The following KIF20B variants were observed in gnomAD, a reference collection of about 807,000 sequenced individuals.
KIF20B encodes the protein kinesin family member 20B.
Under a neutral mutation model 232.5 loss-of-function variants are expected in KIF20B, and 188 were observed. The observed-to-expected ratio is 0.81, with a 90% CI of 0.72 to 0.91. KIF20B has a LOEUF of 0.91. Among genes scored for constraint, KIF20B ranks in the 40% least tolerant of loss-of-function variants. The pLI is 0.00. For synonymous variants in KIF20B, 712 were observed against 683.0 expected (o/e 1.04, Z -0.66); for missense variants, 2,154 against 2,055.9 (o/e 1.05, Z -0.92).
At chr10:89,737,007 T>C (rs1310581035) in intron 19 of KIF20B, among the ~76,000 whole-genome samples, 1 of 152,124 alleles carries the variant, frequency 6.6e-6, no homozygotes, top group Non-Finnish European at 1.5e-5. Flanking sequence ...ATGGAATGTC[T>C]GCCTAGGGTT....
intron 29 of KIF20B, chr10:89,766,142 T>G (rs1842354124): frequency 6.6e-6 from 1 of 152,180 alleles, no homozygotes; most frequent in South Asian, 2.1e-4. Flanking sequence ...GGTACACCAA[T>G]CAGACATAGA....
intron 17 of KIF20B, among the ~76,000 whole-genome samples, chr10:89,728,905 T>TTG (rs71022581): frequency 0.069 from 9,529 of 137,986 alleles, 358 homozygotes; most frequent in Middle Eastern, 0.088. Flanking sequence ...TCTTTTTTCT[T>TTG]TGTGTGTGTG....
chr10:89,757,044 A>G (rs61870783), intron 26 of KIF20B, among the ~76,000 whole-genome samples: 34,003 of 108,612 alleles, frequency 0.31, 4,567 homozygotes, highest in African/African-American at 0.45. Flanking sequence ...GTGTGTGTAT[A>G]TATATATATA....
intron 19 of KIF20B, 117 bp downstream of exon 19, chr10:89,733,173 A>G (rs1261890788): frequency 2.0e-6 from 2 of 1,009,196 alleles, no homozygotes; most frequent in Non-Finnish European, 3.0e-6. Context: ...GAGAAAATCT[A>G]AACGTCTTGA....
intron 2 of KIF20B, 37 bp downstream of exon 2, chr10:89,705,478 C>T: frequency 6.3e-7 from 1 of 1,593,400 alleles, no homozygotes; most frequent in African/African-American, 1.3e-5. Context: ...ATTATCATGC[C>T]TCCTTCTAAT....
At chr10:89,708,491 A>C (rs1176287590) in intron 2 of KIF20B, among the ~76,000 whole-genome samples, 1 of 152,150 alleles carries the variant, frequency 6.6e-6, no homozygotes, top group Non-Finnish European at 1.5e-5. Context: ...GATTACAGGC[A>C]TGAGCCACCG....
chr10:89,712,413 T>G (rs889086190), intron 6 of KIF20B, among the ~76,000 whole-genome samples: 6 of 151,940 alleles, frequency 3.9e-5, no homozygotes, highest in African/African-American at 1.5e-4. Context: ...ATGCCACCAC[T>G]CCTGGCTGTT....
chr10:89,744,003 T>G (rs1841860295), intron 22 of KIF20B, 76 bp downstream of exon 22: 4 of 1,270,932 alleles, frequency 3.1e-6, no homozygotes. Flanking sequence ...GGTACAAATT[T>G]GTTTTTAATA....
rs754382351 is a variant in KIF20B at position 89,739,068 on chromosome 10, A to G, written c.3887A>G (p.Lys1296Arg). 30 of 1,613,090 alleles carry G rather than the reference A, an allele frequency of 1.9e-5. No homozygotes were observed. In the South Asian group the frequency reaches 2.9e-4, roughly 15 times the overall value. The change falls in exon 21 of 33, where the codon AAA becomes AGA. Residue 1296 changes from lysine to arginine, a missense_variant. Physicochemically the swap from Lys to Arg is conservative, Grantham distance 26. Coordinates refer to ENST00000371728, the MANE Select transcript of KIF20B (RefSeq NM_001284259.2). ...ADLKEKLTDA[K>R]KQIKQVQKEV... The stretch of plus-strand genomic sequence containing the variant: ...CTGAAAGAGAAACTGACTGATGCCA[A>G]AAAGCAGATTAAGCAAGTACAGAAA...
intron 9 of KIF20B, among the ~76,000 whole-genome samples, chr10:89,717,043 A>T (rs1014742285): frequency 6.6e-6 from 1 of 152,212 alleles, no homozygotes; most frequent in Non-Finnish European, 1.5e-5. Flanking sequence ...GGACAATACA[A>T]GATCCGGATC....
At chr10:89,725,553 G>C (rs990167429) in intron 15 of KIF20B, among the ~76,000 whole-genome samples, 8 of 152,066 alleles carry the variant, frequency 5.3e-5, no homozygotes, top group Non-Finnish European at 1.2e-4. Flanking sequence ...AAAAAGGGTT[G>C]CCCTTGCCGG....
At chr10:89,773,518 G>C (rs1038796857) in intron 32 of KIF20B, among the ~76,000 whole-genome samples, 1 of 152,008 alleles carries the variant, frequency 6.6e-6, no homozygotes, top group African/African-American at 2.4e-5. Context: ...GCATGGTGTT[G>C]TAAGTACCAT....
In KIF20B at chr10:89,751,332, C is replaced by G. The variant is rs771526080; in HGVS notation, c.4097-14C>G. The G allele has an allele frequency of 1.3e-5, 20 of 1,582,012 alleles. No individual in the cohort carries two copies. In the South Asian group the frequency reaches 2.4e-4, roughly 19 times the overall value. ...AGGCTATTAATTTCTAAAATGTTCT[C>G]CCCCGATTTTTAGATCTAAATGTTA... is the stretch of plus-strand genomic sequence containing the variant. On this transcript the variant is annotated splice_polypyrimidine_tract_variant and intron_variant, in intron 23 of 32. Transcript: ENST00000371728.
At chr10:89,731,525 A>G (rs1443648114) in intron 18 of KIF20B, among the ~76,000 whole-genome samples, 2 of 152,182 alleles carry the variant, frequency 1.3e-5, no homozygotes, top group Non-Finnish European at 2.9e-5. Flanking sequence ...CTTGAGCGCA[A>G]ACTCTTTCCA....
intron 6 of KIF20B, among the ~76,000 whole-genome samples, 174 bp from the exon 7 acceptor site, chr10:89,713,873 G>A (rs1275922146): frequency 1.3e-5 from 2 of 151,476 alleles, no homozygotes; most frequent in Non-Finnish European, 2.9e-5. Flanking sequence ...ATAGTTCTCT[G>A]TATTTTTCCA....
rs185782676 is a variant in KIF20B, at chr10:89,728,100, A to G, written c.2271+204A>G. Among the ~76,000 whole-genome samples the G allele has an allele frequency of 1.9e-3, 294 of 152,242 alleles. 1 individual carries two copies. The highest frequency in any genetic ancestry group is 6.6e-3 in the African/African-American group (276 of 41,540). On this transcript the variant is annotated intron_variant, in intron 17 of 32. Coordinates refer to ENST00000371728, the MANE Select transcript of KIF20B (RefSeq NM_001284259.2). ...ATTTCAACTTGTATTTATCCTTTCAAAAAGCTGAATATTTTAAAATATGAT... is the reference window on the plus strand; with the variant it reads ...ATTTCAACTTGTATTTATCCTTTCAGAAAGCTGAATATTTTAAAATATGAT...
Position 89,758,880 on chromosome 10 carries a change from A to G in KIF20B, c.4678A>G (p.Ile1560Val), listed in dbSNP as rs1842184309. 1 of 1,525,624 alleles carries G rather than the reference A, an allele frequency of 6.6e-7. No homozygotes were observed. The highest frequency in any genetic ancestry group is 2.1e-5 in the Admixed American group (1 of 48,536). 94.5% of individuals were successfully genotyped at this position (1,525,624 alleles called of 1,614,324 possible). ...LKRIISETSK[I>V]ETQIMDIKPK... Reference sequence around the variant, plus strand: ...AAGGATCATATCAGAGACTTCTAAAATAGTCAGTAGTCTTTTTTGCTATGC... The same window carrying G: ...AAGGATCATATCAGAGACTTCTAAAGTAGTCAGTAGTCTTTTTTGCTATGC... Residue 1560 changes from isoleucine (I) to valine (V), a missense_variant and splice_region_variant, in exon 27 of 33, where the codon ATA becomes GTA. Transcript: ENST00000371728.
At chr10:89,735,378 C>G (rs1009294976) in intron 19 of KIF20B, among the ~76,000 whole-genome samples, 27 of 151,624 alleles carry the variant, frequency 1.8e-4, no homozygotes, top group Non-Finnish European at 2.9e-5. Flanking sequence ...AGTCTGCCAT[C>G]AAGGAGCTTA....
At chr10:89,762,087 A>G (rs1042433545) in intron 28 of KIF20B, among the ~76,000 whole-genome samples, 1 of 152,082 alleles carries the variant, frequency 6.6e-6, no homozygotes, top group African/African-American at 2.4e-5. Context: ...CTGGTCTGAG[A>G]TGGGGCATTT....
Sources: gnomAD v4.1 joint callset for allele counts (sites outside exome capture counted in the v4.1 genomes callset) on GRCh38, gnomAD v4.1.1 for gene constraint, MANE v1.5 for transcripts, NCBI Gene and HGNC (gene_info 2026-07-23, HGNC 2026-07-21) for gene names.